Variants in KLC4 observed in about 807,000 individuals in gnomAD.
KLC4 encodes the protein kinesin-like protein 8.
Under a neutral mutation model 77.2 loss-of-function variants are expected in KLC4, and 49 were observed. The ratio of observed to expected loss-of-function variants is 0.63; its 90% CI spans 0.50 to 0.80. The LOEUF is 0.80. Among genes scored for constraint, KLC4 ranks in the 30% least tolerant of loss-of-function variants. The probability of loss-of-function intolerance (pLI) is 0.00; values close to 1 mark genes in which losing one functional copy is unlikely to be tolerated. For synonymous variants in KLC4, 274 were observed against 314.5 expected (o/e 0.87, Z 1.36); for missense variants, 669 against 793.5 (o/e 0.84, Z 1.89).
chr6:43,071,223 C>A, intron 8 of KLC4, 52 bp from the exon 9 acceptor site: 6 of 984,828 alleles, frequency 6.1e-6, no homozygotes, highest in African/African-American at 3.3e-5. Flanking sequence ...AAAAAAAAGA[C>A]CTTGCCTCCC....
chr6:43,071,399 G>C, intron 9 of KLC4, 25 bp downstream of exon 9: 1 of 1,585,860 alleles, frequency 6.3e-7, no homozygotes, highest in Non-Finnish European at 8.7e-7. Context: ...CCTGGGGAAG[G>C]GGCTGTGGGG....
In KLC4 at chr6:43,062,473, C is replaced by T. The variant is rs148205713; in HGVS notation, c.259-444C>T. The stretch of plus-strand genomic sequence containing the variant: ...GTTGGCCAGGCTGGTCTTGAATTCC[C>T]GACCTCTTGATCCACCCGCCTTGGC... On this transcript the variant is annotated intron_variant, in intron 2 of 15. Transcript: ENST00000347162. The T allele has an allele frequency of 6.1e-3, 1,033 of 168,094 alleles. 13 individuals carry two copies. Among genetic ancestry groups the T allele is most frequent in the African/African-American group, 0.024 (982 of 41,786 alleles). The allele number at this position is 168,094 out of a possible 1,614,324, so 10.4% of individuals were successfully genotyped here. A position where few individuals can be genotyped will look rare whatever the true frequency, so the allele number is the denominator to read the frequency against.
intron 6 of KLC4, among the ~76,000 whole-genome samples, chr6:43,067,870 T>C (rs1406652537): frequency 8.4e-6 from 1 of 118,854 alleles, no homozygotes; most frequent in Non-Finnish European, 1.6e-5. Flanking sequence ...CCCAGCACTT[T>C]GGGAGGCCGA....
chr6:43,074,276 C>T (rs1160644490), intron 15 of KLC4: 1 of 451,826 alleles, frequency 2.2e-6, no homozygotes, highest in Non-Finnish European at 3.9e-6. Context: ...TTTCATCCTG[C>T]AGCCGCCTTA....
chr6:43,066,196 T>G, intron 4 of KLC4, 110 bp from the exon 5 acceptor site: 1 of 879,354 alleles, frequency 1.1e-6, no homozygotes, highest in East Asian at 2.4e-5. Flanking sequence ...ATATTGAGAG[T>G]CCAGGTTGGG....
intron 3 of KLC4, among the ~76,000 whole-genome samples, chr6:43,063,923 G>A (rs993388969): frequency 6.6e-5 from 10 of 152,034 alleles, no homozygotes; most frequent in Admixed American, 6.6e-4. Flanking sequence ...TGCAGCCTCC[G>A]CCTCTGGCTT....
intron 2 of KLC4, among the ~76,000 whole-genome samples, chr6:43,061,927 G>C (rs1765185593): frequency 6.6e-6 from 1 of 152,192 alleles, no homozygotes; most frequent in Non-Finnish European, 1.5e-5. Flanking sequence ...AGGGACTGTG[G>C]GGAGAGGGTA....
intron 8 of KLC4, 121 bp downstream of exon 8, chr6:43,070,986 C>A: frequency 2.2e-6 from 2 of 909,052 alleles, no homozygotes; most frequent in Non-Finnish European, 3.3e-6. Flanking sequence ...CAGTCTGGCA[C>A]ACTGCTCTCA....
rs201998842 is a variant in KLC4 at position 43,060,224 on chromosome 6, G to T, written c.-26+539G>T. ...GAGACAAAACCATGGAAGTGACTGG[G>T]TTTGGAGTGACCAGGTGTTCCTCCC... On this transcript the variant is annotated intron_variant, in intron 1 of 15. Transcript: ENST00000347162. 5.6e-5 allele frequency: 90 copies of T among 1,614,194 alleles called. No homozygotes were observed. The East Asian group carries it at 1.8e-3, about 33-fold the overall frequency.
At chr6:43,060,274 G>A (rs375560198) in intron 1 of KLC4, 2 of 1,613,958 alleles carry the variant, frequency 1.2e-6, no homozygotes, top group East Asian at 4.5e-5. Context: ...CACGCCTCTT[G>A]CTGTAGGTCT....
Position 43,073,929 on chromosome 6 carries a change from G to C in KLC4, c.1773G>C (p.Leu591Phe). The C allele has an allele frequency of 6.2e-7, 1 of 1,613,796 alleles. No homozygotes were observed. Among genetic ancestry groups the C allele is most frequent in the Non-Finnish European group, 8.5e-7 (1 of 1,179,822 alleles). The change falls in exon 15 of 16, where the codon TTG becomes TTC. Residue 591 changes from leucine (L) to phenylalanine (F), a missense_variant. Leu to Phe is a conservative substitution (Grantham distance 22). Transcript: ENST00000347162. ...GCAACATGAAGCGAGCAGCCTCCTT[G>C]AACTATCTGAACCAACCTAGTGCAG... ...SSSNMKRAAS[L>F]NYLNQPSAAP...
intron 7 of KLC4, 62 bp from the exon 8 acceptor site, chr6:43,070,630 A>C: frequency 6.5e-7 from 1 of 1,530,470 alleles, no homozygotes; most frequent in East Asian, 2.3e-5. Context: ...ATGCAAACAC[A>C]CGTGTGCTTG....
Position 43,066,411 on chromosome 6 carries a change from G to T in KLC4, c.677G>T (p.Arg226Leu), listed in dbSNP as rs368222422. 1.9e-6 allele frequency: 3 copies of T among 1,614,206 alleles called. No individual in the cohort carries two copies. The highest frequency in any genetic ancestry group is 2.5e-6 in the Non-Finnish European group (3 of 1,180,034). The change falls in exon 5 of 16, where the codon CGC (arginine) becomes CTC (leucine). Residue 226 changes from arginine to leucine, a missense_variant. Transcript: ENST00000347162. ...GTGATCCAGTACGCAGCCCAAGGTC[G>T]CTATGAGGTGGCCGTGCCACTCTGT... ...NLVIQYAAQG[R>L]YEVAVPLCKQ...
intron 6 of KLC4, among the ~76,000 whole-genome samples, chr6:43,069,735 A>T (rs1053689694): frequency 6.6e-6 from 1 of 151,838 alleles, no homozygotes; most frequent in Non-Finnish European, 1.5e-5. Flanking sequence ...TTTAGTAGAG[A>T]CGGGGTTTCT....
intron 14 of KLC4, 154 bp downstream of exon 14, chr6:43,073,492 C>T (rs890382549): frequency 9.0e-6 from 5 of 555,732 alleles, no homozygotes; most frequent in South Asian, 8.0e-5. Flanking sequence ...CCTAAAAATA[C>T]AAAAATTAGT....
rs116562771 is a variant in KLC4, at chr6:43,071,952, C to T, written c.1379+30C>T. On this transcript the variant is annotated intron_variant, in intron 11 of 15. Transcript: ENST00000347162. Reference sequence around the variant, plus strand: ...GCTGACAGTGAAAAGCCAGCTTGGCCTCCGATGCCCTCCATCCAGTCCCTG... The same window carrying T: ...GCTGACAGTGAAAAGCCAGCTTGGCTTCCGATGCCCTCCATCCAGTCCCTG... 516 of 1,585,206 alleles carry T rather than the reference C, an allele frequency of 3.3e-4. No homozygotes were observed. In the African/African-American group the frequency reaches 6.3e-3, roughly 19 times the overall value.
rs1473999616 is a variant in KLC4, at chr6:43,070,823, G to C, written c.1113G>C (p.Leu371=). The C allele has an allele frequency of 6.2e-7, 1 of 1,613,528 alleles. No homozygotes were observed. Among genetic ancestry groups the C allele is most frequent in the Middle Eastern group, 1.6e-4 (1 of 6,062 alleles). The change falls in exon 8 of 16, where the codon CTG becomes CTC. Residue 371 remains leucine (L), a synonymous_variant. Coordinates refer to ENST00000347162, the MANE Select transcript of KLC4 (RefSeq NM_201521.3). ...CACTGGCCATCTACGAGGGGCAGCT[G>C]GGGCCGGACAACCCTAATGTAGCCC... The part of the protein sequence containing the change: ...QRALAIYEGQ[L]GPDNPNVART...
rs1765762975 is a variant in KLC4 at position 43,072,159 on chromosome 6, C to T, written c.1392C>T (p.Asn464=). ...KACKVSSPTV[N]TTLRNLGALY... ...TTTCTCACCACAGCCCCACAGTGAA[C>T]ACTACTCTGAGAAACCTGGGAGCTC... Residue 464 remains asparagine, a synonymous_variant, in exon 12 of 16, where the codon AAC becomes AAT. Transcript: ENST00000347162. The T allele has an allele frequency of 1.2e-6, 2 of 1,613,940 alleles. No individual in the cohort carries two copies. Among genetic ancestry groups the T allele is most frequent in the Admixed American group, 1.7e-5 (1 of 60,018 alleles).
At chr6:43,071,000 A>G (rs1312715267) in intron 8 of KLC4, 135 bp downstream of exon 8, 3 of 841,532 alleles carry the variant, frequency 3.6e-6, no homozygotes, top group Admixed American at 5.6e-5. Context: ...GCTCTCATCA[A>G]CTTTGTGCTC....
Sources: gnomAD v4.1 joint callset for allele counts (sites outside exome capture counted in the v4.1 genomes callset) on GRCh38, gnomAD v4.1.1 for gene constraint, MANE v1.5 for transcripts, NCBI Gene and HGNC (gene_info 2026-07-23, HGNC 2026-07-21) for gene names.